Variants in PKHD1 observed in about 807,000 individuals in gnomAD.
The protein encoded by PKHD1 is fibrocystin.
In PKHD1, 291 loss-of-function variants were observed where a neutral mutation model predicts 412.0. That is an observed-to-expected ratio of 0.71 (90% CI 0.64 to 0.78). The LOEUF (loss-of-function observed/expected upper bound fraction) is 0.78. Among genes scored for constraint, PKHD1 ranks in the 30% least tolerant of loss-of-function variants. The pLI is 0.00. For synonymous variants in PKHD1, 1,777 were observed against 1,821.5 expected (o/e 0.98, Z 0.62); for missense variants, 4,825 against 4,950.7 (o/e 0.97, Z 0.76).
At chr6:51,896,082 G>T (rs996591111) in intron 43 of PKHD1, among the ~76,000 whole-genome samples, 3 of 152,196 alleles carry the variant, frequency 2.0e-5, no homozygotes, top group Non-Finnish European at 4.4e-5. Flanking sequence ...TCGGTAGCCA[G>T]GCTGGAGGAG....
Position 51,659,490 on chromosome 6 carries a change from C to A in PKHD1, c.10636G>T (p.Val3546Phe). ...TCAATGGGCTCCTCTCCTTGTAGGA[C>A]AACATACAAGAGGTTATCCATGATG... is the stretch of plus-strand genomic sequence containing the variant. ...FNIMDNLLYV[V>F]LQGEEPIEIR... Residue 3546 changes from valine to phenylalanine, a missense_variant, in exon 61 of 67, where the codon GTC becomes TTC. Transcript: ENST00000371117. The A allele has an allele frequency of 6.2e-7, 1 of 1,613,320 alleles. No individual in the cohort carries two copies. The highest frequency in any genetic ancestry group is 8.5e-7 in the Non-Finnish European group (1 of 1,179,508).
intron 36 of PKHD1, among the ~76,000 whole-genome samples, chr6:51,946,517 T>G (rs897471034): frequency 1.3e-5 from 2 of 152,244 alleles, no homozygotes; most frequent in Admixed American, 6.5e-5. Flanking sequence ...TGGGCTGCTT[T>G]AAAGGATAGT....
chr6:52,017,627 A>T lies in PKHD1; in HGVS notation c.5383T>A (p.Ser1795Thr). ...FSCLVLPLDV[S>T]LAFLCGLKRE... ...TTCAGGCCACACAGGAAGGCCAAGG[A>T]CACTGCAGGAAACAGTCACCATTAG... Residue 1795 changes from serine (S) to threonine (T), a missense_variant and splice_region_variant, in exon 34 of 67, where the codon TCC (serine) becomes ACC (threonine). Ser to Thr is a moderately conservative substitution (Grantham distance 58, BLOSUM62 1). Coordinates refer to ENST00000371117, the MANE Select transcript of PKHD1 (RefSeq NM_138694.4). 6.2e-7 allele frequency: 1 copy of T among 1,612,246 alleles called. No homozygotes were observed. Among genetic ancestry groups the T allele is most frequent in the Non-Finnish European group, 8.5e-7 (1 of 1,178,940 alleles).
chr6:52,073,228 A>G (rs921433705), intron 7 of PKHD1, among the ~76,000 whole-genome samples: 1 of 152,236 alleles, frequency 6.6e-6, no homozygotes, highest in African/African-American at 2.4e-5. Context: ...TTCATTTCAC[A>G]CTGAGCCCAG....
chr6:51,915,629 T>C (rs1783656415), intron 37 of PKHD1, among the ~76,000 whole-genome samples: 1 of 151,932 alleles, frequency 6.6e-6, no homozygotes, highest in Non-Finnish European at 1.5e-5. Context: ...CCACATTTCA[T>C]CATGGGACAC....
intron 48 of PKHD1, among the ~76,000 whole-genome samples, chr6:51,859,558 GATAGT>G (rs910374640): frequency 6.8e-6 from 1 of 147,612 alleles, no homozygotes; most frequent in African/African-American, 2.5e-5. Context: ...CTCAATATGT[GATAGT>G]ATAATCAATT....
Position 52,042,746 on chromosome 6 carries a change from A to C in PKHD1, c.3097+113T>G, listed in dbSNP as rs1052883154. 5 of 973,264 alleles carry C rather than the reference A, an allele frequency of 5.1e-6. No individual in the cohort carries two copies. In the Admixed American group the frequency reaches 9.2e-5, roughly 18 times the overall value. The allele number at this position is 973,264 out of a possible 1,614,324, so 60.3% of individuals were successfully genotyped here. A position where few individuals can be genotyped will look rare whatever the true frequency, so the allele number is the denominator to read the frequency against. On this transcript the variant is annotated intron_variant, in intron 27 of 66. Coordinates refer to ENST00000371117, the MANE Select transcript of PKHD1 (RefSeq NM_138694.4). Reference sequence around the variant, plus strand: ...TTAAATACTTATGTCAGTAAACAAAAGACAGTGAGTCACAGTGAATATGGA... The same window carrying C: ...TTAAATACTTATGTCAGTAAACAAACGACAGTGAGTCACAGTGAATATGGA...
chr6:51,882,105 AACATCT>A lies in PKHD1; in HGVS notation c.7350+982_7350+987del, dbSNP rs1385222388. On this transcript the variant is annotated intron_variant, in intron 46 of 66. Coordinates refer to ENST00000371117, the MANE Select transcript of PKHD1 (RefSeq NM_138694.4). ...TCAGTTTGCTGGGAATTTTGTTTTTAACATCTACTCTAAGGTTATTTCTGGAAAAGT... is the reference window on the plus strand; with the variant it reads ...TCAGTTTGCTGGGAATTTTGTTTTTAACTCTAAGGTTATTTCTGGAAAAGT... 2.0e-5 allele frequency among the ~76,000 whole-genome samples: 3 copies of A among 152,298 alleles called. No individual in the cohort carries two copies. In the East Asian group the frequency reaches 5.8e-4, roughly 29 times the overall value.
chr6:51,884,535 C>T (rs4715257), intron 45 of PKHD1, among the ~76,000 whole-genome samples: 146,405 of 152,272 alleles, frequency 0.96, 70,399 homozygotes, highest in East Asian at 0.99. Context: ...TATTATGTTA[C>T]TTAATTTTCC....
rs1763243708 is a variant in PKHD1 at position 51,803,537 on chromosome 6, A to G, written c.8303-12164T>C. On this transcript the variant is annotated intron_variant, in intron 52 of 66. Coordinates refer to ENST00000371117, the MANE Select transcript of PKHD1 (RefSeq NM_138694.4). ...CTCTTTTTAATCCAAGATGACTAGA[A>G]GACCCCAGGAGAAAAATGATATATA... 2.0e-5 allele frequency among the ~76,000 whole-genome samples: 3 copies of G among 151,616 alleles called. No homozygotes were observed. In the South Asian group the frequency reaches 6.2e-4, roughly 31 times the overall value.
chr6:51,758,014 A>AGAGAGAGAGAGAGAGAG (rs1787319384), intron 55 of PKHD1, among the ~76,000 whole-genome samples: 3 of 126,090 alleles, frequency 2.4e-5, no homozygotes, highest in Non-Finnish European at 4.8e-5. Flanking sequence ...ACCCTGCCAA[A>AGAGAGAGAGAGAGAGAG]AGAGAGAGAG....
chr6:51,783,433 A>G (rs1278495474), intron 53 of PKHD1, among the ~76,000 whole-genome samples: 1 of 38,622 alleles, frequency 2.6e-5, no homozygotes, highest in Non-Finnish European at 7.3e-5. Context: ...ATTAATACAA[A>G]TGTATTATTG....
At chr6:52,046,244 G>T in intron 23 of PKHD1, 56 bp from the exon 24 acceptor site, 1 of 1,310,828 alleles carries the variant, frequency 7.6e-7, no homozygotes, top group Non-Finnish European at 1.1e-6. Flanking sequence ...CCACCTTACA[G>T]AGTTTCATCC....
intron 50 of PKHD1, among the ~76,000 whole-genome samples, chr6:51,841,973 G>T (rs1372681533): frequency 6.6e-6 from 1 of 152,220 alleles, no homozygotes; most frequent in African/African-American, 2.4e-5. Context: ...CAAATTAACA[G>T]CATCTTTTCT....
intron 34 of PKHD1, among the ~76,000 whole-genome samples, chr6:52,016,364 G>A (rs9395757): frequency 0.41 from 63,015 of 151,910 alleles, 15,084 homozygotes; most frequent in Admixed American, 0.56. Context: ...GGCGGGGCAC[G>A]GTGGCTCATG....
chr6:52,007,130 C>T (rs906575231), intron 35 of PKHD1, among the ~76,000 whole-genome samples: 6 of 152,070 alleles, frequency 3.9e-5, no homozygotes, highest in Admixed American at 3.3e-4. Flanking sequence ...TTTACAATTG[C>T]GAATTGTGCT....
intron 65 of PKHD1, among the ~76,000 whole-genome samples, chr6:51,629,048 T>C (rs1321852355): frequency 6.6e-6 from 1 of 152,148 alleles, no homozygotes; most frequent in South Asian, 2.1e-4. Context: ...CCTTTCACTA[T>C]ATGCAAAATT....
chr6:51,937,579 C>A (rs1661902409), intron 36 of PKHD1, among the ~76,000 whole-genome samples: 1 of 152,202 alleles, frequency 6.6e-6, no homozygotes, highest in South Asian at 2.1e-4. Context: ...CCTCAAGACT[C>A]TTTTCTTCAA....
At chr6:51,620,817 A>G (rs1474053522) in intron 66 of PKHD1, among the ~76,000 whole-genome samples, 1 of 147,412 alleles carries the variant, frequency 6.8e-6, no homozygotes, top group Non-Finnish European at 1.5e-5. Context: ...TATATATATA[A>G]TGCTTTTGAT....
Sources: allele counts gnomAD v4.1 joint callset (sites outside exome capture counted in the v4.1 genomes callset), GRCh38; gene constraint gnomAD v4.1.1; transcripts MANE v1.5; gene names NCBI Gene and HGNC (gene_info 2026-07-23, HGNC 2026-07-21).